The following NRXN3 variants were observed in gnomAD, a reference collection of about 807,000 sequenced individuals.
The protein encoded by NRXN3 is neurexin 3.
A neutral mutation model predicts 137.6 loss-of-function variants in NRXN3; 32 were observed. The ratio of observed to expected loss-of-function variants is 0.23; its 90% CI spans 0.18 to 0.31. The LOEUF (loss-of-function observed/expected upper bound fraction) is 0.31, where lower values mean the gene tolerates loss of function less well. Among genes scored for constraint, NRXN3 ranks in the 10% least tolerant of loss-of-function variants. The pLI, the probability that NRXN3 is intolerant of heterozygous loss-of-function variation, is 1.00. For missense variants in NRXN3, 1,574 were observed against 2,062.5 expected (o/e 0.76, Z 4.59); for synonymous variants, 798 against 784.5 (o/e 1.02, Z -0.29).
intron 15 of NRXN3, among the ~76,000 whole-genome samples, chr14:79,104,162 A>G (rs895691795): frequency 1.3e-5 from 2 of 152,154 alleles, no homozygotes; most frequent in Non-Finnish European, 1.5e-5. Flanking sequence ...TCTATGCCAT[A>G]GCACTTATTA....
intron 19 of NRXN3, among the ~76,000 whole-genome samples, chr14:79,717,174 T>C (rs576951126): frequency 2.6e-5 from 4 of 152,312 alleles, no homozygotes; most frequent in African/African-American, 7.2e-5. Flanking sequence ...GCTTTGAAGA[T>C]GCATTTGAAC....
chr14:79,215,257 A>G (rs2068296152), intron 15 of NRXN3, among the ~76,000 whole-genome samples: 2 of 152,212 alleles, frequency 1.3e-5, no homozygotes, highest in Non-Finnish European at 2.9e-5. Context: ...CCATCCCAGC[A>G]CTATTTAAAG....
intron 15 of NRXN3, among the ~76,000 whole-genome samples, chr14:79,292,815 A>G (rs925525715): frequency 2.6e-5 from 4 of 152,220 alleles, no homozygotes; most frequent in African/African-American, 9.6e-5. Flanking sequence ...TAGCAGCCCA[A>G]TTAGTTCCTA....
At chr14:78,280,803 T>C (rs984885072) in intron 3 of NRXN3, among the ~76,000 whole-genome samples, 3 of 152,190 alleles carry the variant, frequency 2.0e-5, no homozygotes, top group Non-Finnish European at 4.4e-5. Flanking sequence ...GGTAGAAGTC[T>C]GAGGAATACC....
At chr14:79,047,866 T>C (rs906644106) in intron 15 of NRXN3, among the ~76,000 whole-genome samples, 5 of 152,168 alleles carry the variant, frequency 3.3e-5, no homozygotes, top group African/African-American at 1.2e-4. Context: ...TTGGAAAAAT[T>C]GCAGTTTTTA....
At chr14:78,536,732 T>A (rs1600103515) in intron 4 of NRXN3, among the ~76,000 whole-genome samples, 1 of 151,796 alleles carries the variant, frequency 6.6e-6, no homozygotes, top group Non-Finnish European at 1.5e-5. Flanking sequence ...ACATTAGGTA[T>A]TTCTCTTAAT....
chr14:78,916,181 A>T (rs1257073057), intron 10 of NRXN3, among the ~76,000 whole-genome samples: 1 of 152,100 alleles, frequency 6.6e-6, no homozygotes, highest in African/African-American at 2.4e-5. Context: ...GGGCACTATT[A>T]ATAATTACAC....
At chr14:79,140,573 C>CTCTG (rs2058693943) in intron 15 of NRXN3, among the ~76,000 whole-genome samples, 4 of 143,834 alleles carry the variant, frequency 2.8e-5, no homozygotes, top group South Asian at 4.7e-4. Flanking sequence ...CCCCACCTCA[C>CTCTG]TGTGTGTGTG....
chr14:78,810,313 T>C lies in NRXN3; in HGVS notation c.2249-5T>C. 6.6e-7 allele frequency: 1 copy of C among 1,506,466 alleles called. No individual in the cohort carries two copies. Among genetic ancestry groups the C allele is most frequent in the Non-Finnish European group, 9.0e-7 (1 of 1,112,612 alleles). The allele number at this position is 1,506,466 out of a possible 1,614,324, so 93.3% of individuals were successfully genotyped here. A position where few individuals can be genotyped will look rare whatever the true frequency, so the allele number is the denominator to read the frequency against. ...TTCATCTTTCATTTATTTTTCCCCA[T>C]CTAGACTGTATCAGGATAAACTGTA... On this transcript the variant is annotated splice_polypyrimidine_tract_variant and splice_region_variant and intron_variant, in intron 9 of 20. Transcript: ENST00000335750.
intron 17 of NRXN3, among the ~76,000 whole-genome samples, chr14:79,676,539 T>G (rs2098641781): frequency 6.6e-6 from 1 of 151,876 alleles, no homozygotes; most frequent in African/African-American, 2.4e-5. Flanking sequence ...TATTGTATTA[T>G]TATATATTGA....
At chr14:78,729,834 C>T (rs913041132) in intron 8 of NRXN3, among the ~76,000 whole-genome samples, 124 of 152,022 alleles carry the variant, frequency 8.2e-4, no homozygotes, top group Non-Finnish European at 7.8e-4. Flanking sequence ...ATCCCCAGTG[C>T]CAAGGAAAAG....
At chr14:78,719,713 A>C (rs1369017045) in intron 8 of NRXN3, among the ~76,000 whole-genome samples, 1 of 152,118 alleles carries the variant, frequency 6.6e-6, no homozygotes. Flanking sequence ...TTGGTGGTGC[A>C]TGCCTGCAAT....
chr14:78,452,143 G>A (rs746044575), intron 4 of NRXN3, among the ~76,000 whole-genome samples: 8 of 152,014 alleles, frequency 5.3e-5, no homozygotes, highest in Non-Finnish European at 8.8e-5. Flanking sequence ...TACTACTTCC[G>A]GTGGTACTGA....
At chr14:78,889,710 C>T (rs534345521) in intron 10 of NRXN3, among the ~76,000 whole-genome samples, 125 of 152,082 alleles carry the variant, frequency 8.2e-4, no homozygotes, top group African/African-American at 2.1e-3. Flanking sequence ...AAGGATTCTG[C>T]AGTACAGCAG....
chr14:79,713,132 G>T (rs559455407), intron 19 of NRXN3, among the ~76,000 whole-genome samples: 1 of 142,702 alleles, frequency 7.0e-6, no homozygotes, highest in Non-Finnish European at 1.5e-5. Context: ...ATCACAGTTT[G>T]GTGTCTAATT....
intron 16 of NRXN3, among the ~76,000 whole-genome samples, chr14:79,605,376 A>G (rs954950611): frequency 6.6e-5 from 10 of 152,164 alleles, no homozygotes; most frequent in Admixed American, 2.0e-4. Context: ...GACTTCCCGC[A>G]TACTACTAAG....
intron 10 of NRXN3, among the ~76,000 whole-genome samples, chr14:78,940,213 T>G (rs374479768): frequency 2.6e-5 from 4 of 152,302 alleles, no homozygotes; most frequent in African/African-American, 9.6e-5. Flanking sequence ...TACGTGGCAG[T>G]TTTTAAAATC....
chr14:79,508,546 C>T (rs528957158), intron 16 of NRXN3, among the ~76,000 whole-genome samples: 7 of 151,590 alleles, frequency 4.6e-5, no homozygotes, highest in African/African-American at 9.7e-5. Context: ...CCTGCTACCA[C>T]GCCCGGCTAG....
At chr14:79,808,833 A>G (rs1458463691) in intron 20 of NRXN3, among the ~76,000 whole-genome samples, 1 of 152,148 alleles carries the variant, frequency 6.6e-6, no homozygotes, top group East Asian at 1.9e-4. Context: ...GGATTTTTAA[A>G]CTGCTGGTTT....
Sources: allele counts gnomAD v4.1 joint callset (sites outside exome capture counted in the v4.1 genomes callset), GRCh38; gene constraint gnomAD v4.1.1; transcripts MANE v1.5; gene names NCBI Gene and HGNC (gene_info 2026-07-23, HGNC 2026-07-21).